The following MTARC2 variants were observed in gnomAD, a reference collection of about 807,000 sequenced individuals.
MTARC2 encodes mitochondrial amidoxime reducing component 2.
In MTARC2, 27 loss-of-function variants were observed where a neutral mutation model predicts 35.6. The observed-to-expected ratio is 0.76, with a 90% confidence interval of 0.56 to 1.04. The LOEUF is 1.04. Ranked by LOEUF, MTARC2 falls within the 50% of genes least tolerant of loss-of-function variation. The probability of loss-of-function intolerance (pLI) is 0.00; values close to 1 mark genes in which losing one functional copy is unlikely to be tolerated. For synonymous variants in MTARC2, 158 were observed against 167.1 expected, an observed-to-expected ratio of 0.95 and a Z score of 0.42; for missense variants, 412 against 432.5, an observed-to-expected ratio of 0.95 and a Z score of 0.42.
chr1:220,784,169 A>G lies in MTARC2; in HGVS notation c.*282A>G. ...AAGATCATCAAAAATGCTATTTTGA[A>G]TGTTATCATGGCTATTACACTTTTA... On this transcript the variant is annotated 3_prime_UTR_variant, in exon 8 of 8. Coordinates refer to ENST00000366913, the MANE Select transcript of MTARC2 (RefSeq NM_017898.5). 1 of 470,978 alleles carries G rather than the reference A, an allele frequency of 2.1e-6. No individual in the cohort carries two copies. Among genetic ancestry groups the G allele is most frequent in the Non-Finnish European group, 3.8e-6 (1 of 263,292 alleles). 29.2% of individuals were successfully genotyped at this position (470,978 alleles called of 1,614,324 possible). A position where few individuals can be genotyped will look rare whatever the true frequency, so the allele number is the denominator to read the frequency against.
chr1:220,782,724 C>A (rs1224362544), intron 7 of MTARC2, among the ~76,000 whole-genome samples: 1 of 152,160 alleles, frequency 6.6e-6, no homozygotes, highest in Non-Finnish European at 1.5e-5. Flanking sequence ...TCCTTAAGGA[C>A]AGTGTAACAC....
At chr1:220,751,059 G>A (rs1236648652) in intron 1 of MTARC2, among the ~76,000 whole-genome samples, 1 of 152,166 alleles carries the variant, frequency 6.6e-6, no homozygotes, top group Non-Finnish European at 1.5e-5. Context: ...AGAGAACTCT[G>A]TTTGATAGCC....
At chr1:220,754,346 G>A (rs1337616356) in intron 1 of MTARC2, 1 of 456,258 alleles carries the variant, frequency 2.2e-6, no homozygotes, top group South Asian at 1.5e-5. Flanking sequence ...TGACTTCTGT[G>A]TGTCTTTGTT....
intron 7 of MTARC2, among the ~76,000 whole-genome samples, chr1:220,783,423 G>C (rs2102576153): frequency 6.6e-6 from 1 of 152,326 alleles, no homozygotes; most frequent in African/African-American, 2.4e-5. Context: ...TGCTGTTCCA[G>C]TCATGATTGA....
chr1:220,762,224 T>G (rs1385069160), intron 3 of MTARC2, among the ~76,000 whole-genome samples: 1 of 152,228 alleles, frequency 6.6e-6, no homozygotes, highest in Non-Finnish European at 1.5e-5. Flanking sequence ...CTGTGACATG[T>G]GCTTATTTCA....
At position 220,776,461 on chromosome 1, in the gene MTARC2, T is replaced by C. The variant is rs1671917654; in HGVS notation, c.751-3557T>C. 2.0e-5 allele frequency among the ~76,000 whole-genome samples: 3 copies of C among 152,168 alleles called. No homozygotes were observed. The South Asian group carries it at 6.2e-4, about 31-fold the overall frequency. On this transcript the variant is annotated intron_variant, in intron 4 of 7. Transcript: ENST00000366913. ...TAATTTATTATTTTAAATAACTGAATTAATAATTGCATTTAAACTTAATTA... is the reference window on the plus strand; with the variant it reads ...TAATTTATTATTTTAAATAACTGAACTAATAATTGCATTTAAACTTAATTA...
chr1:220,783,588 CAACAAACA>C (rs1672140831), intron 7 of MTARC2, among the ~76,000 whole-genome samples: 1 of 152,240 alleles, frequency 6.6e-6, no homozygotes, highest in African/African-American at 2.4e-5. Context: ...TGGATGGAGG[CAACAAACA>C]TCTGTGGTTC....
intron 4 of MTARC2, among the ~76,000 whole-genome samples, chr1:220,766,112 C>T (rs184570355): frequency 4.0e-4 from 61 of 152,092 alleles, no homozygotes; most frequent in African/African-American, 1.2e-3. Flanking sequence ...AGGCCCCCGA[C>T]GTACTCAGGA....
At position 220,763,028 on chromosome 1, in the gene MTARC2, C is replaced by A. The variant is rs770489495; in HGVS notation, c.728C>A (p.Thr243Asn). The A allele has an allele frequency of 1.2e-6, 2 of 1,614,000 alleles. No homozygotes were observed. The highest frequency in any genetic ancestry group is 1.7e-6 in the Non-Finnish European group (2 of 1,180,034). Residue 243 changes from threonine to asparagine, a missense_variant, in exon 4 of 8, where the codon ACC becomes AAC. By Grantham distance (65) the Thr-to-Asn change is moderately conservative. Transcript: ENST00000366913. ...MENFRPNIVV[T>N]GCDAFEEDTW... ...AATTTCAGGCCAAATATTGTGGTGACCGGCTGTGATGCTTTTGAGGAGGTA... is the reference window on the plus strand; with the variant it reads ...AATTTCAGGCCAAATATTGTGGTGAACGGCTGTGATGCTTTTGAGGAGGTA...
chr1:220,775,913 T>C (rs1671894050), intron 4 of MTARC2, among the ~76,000 whole-genome samples: 4 of 152,226 alleles, frequency 2.6e-5, no homozygotes, highest in Admixed American at 2.6e-4. Context: ...ACATTTTCTT[T>C]ATCCAGTCCA....
At chr1:220,761,969 C>T in intron 3 of MTARC2, 149 bp downstream of exon 3, 2 of 779,696 alleles carry the variant, frequency 2.6e-6, no homozygotes, top group Non-Finnish European at 4.1e-6. Context: ...ACAGCCTAGG[C>T]AGAGGTACCA....
intron 1 of MTARC2, among the ~76,000 whole-genome samples, chr1:220,753,223 G>A (rs1315506207): frequency 6.6e-6 from 1 of 151,508 alleles, no homozygotes; most frequent in Admixed American, 6.6e-5. Context: ...GTGAGACTCC[G>A]TCTCAGAAAA....
rs768205761 is a variant in MTARC2, at chr1:220,763,024, GTGACCGGC to G, written c.727_734del (p.Thr243Ter). 1.2e-6 allele frequency: 2 copies of G among 1,614,034 alleles called. No homozygotes were observed. The highest frequency in any genetic ancestry group is 2.7e-5 in the African/African-American group (2 of 74,926). On this transcript the variant is annotated frameshift_variant, in exon 4 of 8. Coordinates refer to ENST00000366913, the MANE Select transcript of MTARC2 (RefSeq NM_017898.5). LOFTEE classifies it high-confidence loss of function. ...GGAGAATTTCAGGCCAAATATTGTG[GTGACCGGC>G]TGTGATGCTTTTGAGGAGGTAAGCG...
rs1194499145 is a variant in MTARC2 at position 220,761,643 on chromosome 1, T to C, written c.447-15T>C. The C allele has an allele frequency of 1.2e-6, 2 of 1,602,038 alleles. No individual in the cohort carries two copies. The highest frequency in any genetic ancestry group is 1.7e-6 in the Non-Finnish European group (2 of 1,176,378). ...TATAAGTAAGTAACCTGGTGTTCTT[T>C]TGTGACCTTTCCAGGATATTTGGCC... On this transcript the variant is annotated splice_polypyrimidine_tract_variant and intron_variant, in intron 2 of 7. Transcript: ENST00000366913.
chr1:220,770,849 C>G (rs1286153410), intron 4 of MTARC2, among the ~76,000 whole-genome samples: 3 of 152,244 alleles, frequency 2.0e-5, no homozygotes. Context: ...GTGGGTGGAA[C>G]ACACAGACGG....
rs201903895 is a variant in MTARC2, at chr1:220,780,140, C to T, written c.813-28C>T. 3.8e-4 allele frequency: 617 copies of T among 1,609,578 alleles called. 1 individual carries two copies. The highest frequency in any genetic ancestry group is 1.5e-3 in the Middle Eastern group (9 of 6,040). ...GGCCCATTCATTGGTTCCTAAGCATCACCTAACCCTTGGTTACTGCATAAC... is the reference window on the plus strand; with the variant it reads ...GGCCCATTCATTGGTTCCTAAGCATTACCTAACCCTTGGTTACTGCATAAC... On this transcript the variant is annotated intron_variant, in intron 5 of 7. Coordinates refer to ENST00000366913, the MANE Select transcript of MTARC2 (RefSeq NM_017898.5).
In MTARC2 at chr1:220,748,637, G is replaced by A. The variant is rs1209611049; in HGVS notation, c.106G>A (p.Gly36Arg). 4 of 1,528,904 alleles carry A rather than the reference G, an allele frequency of 2.6e-6. No individual in the cohort carries two copies. The highest frequency in any genetic ancestry group is 3.5e-6 in the Non-Finnish European group (4 of 1,142,302). 94.7% of individuals were successfully genotyped at this position (1,528,904 alleles called of 1,614,324 possible). A position where few individuals can be genotyped will look rare whatever the true frequency, so the allele number is the denominator to read the frequency against. Reference sequence around the variant, plus strand: ...GCTAGGACTGGCCGCCGTGGCCCTGGGGACTGTCGCCTGGCGCCGCGCATG... The same window carrying A: ...GCTAGGACTGGCCGCCGTGGCCCTGAGGACTGTCGCCTGGCGCCGCGCATG... ...AALGLAAVAL[G>R]TVAWRRAWPR... The change falls in exon 1 of 8, where the codon GGG (glycine) becomes AGG (arginine). Residue 36 changes from glycine (G) to arginine (R), a missense_variant. Gly to Arg is a moderately radical substitution (Grantham distance 125, BLOSUM62 -2). Coordinates refer to ENST00000366913, the MANE Select transcript of MTARC2 (RefSeq NM_017898.5).
At position 220,748,562 on chromosome 1, in the gene MTARC2, C is replaced by T. The variant is rs1671041062; in HGVS notation, c.31C>T (p.Arg11Cys). MGASSSSALA[R>C]LGLPARPWPR... ...CGCTTCCAGCTCCTCCGCGCTGGCC[C>T]GCCTCGGCCTCCCAGCCCGGCCCTG... Residue 11 changes from arginine to cysteine, a missense_variant, in exon 1 of 8, where the codon CGC becomes TGC. By Grantham distance (180) the Arg-to-Cys change is radical. Transcript: ENST00000366913. The T allele has an allele frequency of 1.4e-6, 2 of 1,439,856 alleles. No individual in the cohort carries two copies. Among genetic ancestry groups the T allele is most frequent in the African/African-American group, 1.5e-5 (1 of 67,098 alleles). 89.2% of individuals were successfully genotyped at this position (1,439,856 alleles called of 1,614,324 possible).
intron 2 of MTARC2, among the ~76,000 whole-genome samples, chr1:220,755,423 C>G (rs12027302): frequency 6.6e-6 from 1 of 152,112 alleles, no homozygotes; most frequent in African/African-American, 2.4e-5. Flanking sequence ...CGCTACGCCA[C>G]GCAAGGCCAA....
Sources: gnomAD v4.1 joint callset for allele counts (sites outside exome capture counted in the v4.1 genomes callset) on GRCh38, gnomAD v4.1.1 for gene constraint, MANE v1.5 for transcripts, NCBI Gene and HGNC (gene_info 2026-07-23, HGNC 2026-07-21) for gene names.